The following STARD8 variants were observed in gnomAD, a reference collection of about 807,000 sequenced individuals.
STARD8 encodes stAR-related lipid transfer protein 8.
STARD8 carries 25 observed loss-of-function variants against 69.4 expected under a neutral mutation model. The observed-to-expected ratio is 0.36, with a 90% CI of 0.26 to 0.50. The LOEUF is 0.50. Among genes scored for constraint, STARD8 ranks in the 20% least tolerant of loss-of-function variants. The probability of loss-of-function intolerance (pLI) is 0.96; values close to 1 mark genes in which losing one functional copy is unlikely to be tolerated. For synonymous variants in STARD8, 389 were observed against 374.6 expected (o/e 1.04, Z -0.45); for missense variants, 921 against 932.5 (o/e 0.99, Z 0.16).
intron 2 of STARD8, among the ~76,000 whole-genome samples, chrX:68,695,228 T>C (rs1170981578): frequency 3.6e-5 from 4 of 110,500 alleles, no homozygotes; most frequent in African/African-American, 1.3e-4. Flanking sequence ...CTGCAGGTGA[T>C]TTCTGGGTGG....
chrX:68,671,432 T>G (rs2079727916), intron 2 of STARD8, among the ~76,000 whole-genome samples: 1 of 112,801 alleles, frequency 8.9e-6, no homozygotes, highest in Non-Finnish European at 1.9e-5. Context: ...CATGAGCTCT[T>G]GGTGTACAAT....
intron 5 of STARD8, 44 bp from the exon 6 acceptor site, chrX:68,717,168 G>A: frequency 2.7e-6 from 3 of 1,127,745 alleles, no homozygotes; most frequent in East Asian, 3.2e-5. Context: ...GCAAGGACTT[G>A]TGGCCTGGGC....
At chrX:68,652,228 G>A (rs368245349) in intron 1 of STARD8, among the ~76,000 whole-genome samples, 11 of 111,010 alleles carry the variant, frequency 9.9e-5, no homozygotes, top group African/African-American at 3.6e-4. Context: ...AGCAGCTTCC[G>A]AAACTGTGTA....
In STARD8 at chrX:68,721,590, C is replaced by G. The variant is rs2080149629; in HGVS notation, c.2303C>G (p.Pro768Arg). 1 of 1,210,446 alleles carries G rather than the reference C, an allele frequency of 8.3e-7. No homozygotes were observed. The change falls in exon 10 of 15, where the codon CCC (proline) becomes CGC (arginine). Residue 768 changes from proline to arginine, a missense_variant. Coordinates refer to ENST00000374599, the MANE Select transcript of STARD8 (RefSeq NM_001142503.3). ...AAAQAATLLL[P>R]DENREVLQTL... Reference sequence around the variant, plus strand: ...GCACAAGCCGCCACCTTGCTGCTCCCCGATGAGAACCGAGAGGTGCTACAG... The same window carrying G: ...GCACAAGCCGCCACCTTGCTGCTCCGCGATGAGAACCGAGAGGTGCTACAG...
intron 2 of STARD8, among the ~76,000 whole-genome samples, chrX:68,697,586 C>G (rs2079930735): frequency 8.9e-6 from 1 of 112,690 alleles, no homozygotes; most frequent in African/African-American, 3.2e-5. Flanking sequence ...TGCGCCTGGC[C>G]CCTGAGGCCA....
At chrX:68,723,566 C>T in intron 12 of STARD8, 60 bp from the exon 13 acceptor site, 1 of 1,020,217 alleles carries the variant, frequency 9.8e-7, no homozygotes. Context: ...GGACTTAGGG[C>T]TGGAGTCAGA....
At chrX:68,670,052 A>C (rs774562029) in intron 2 of STARD8, among the ~76,000 whole-genome samples, 1 of 112,510 alleles carries the variant, frequency 8.9e-6, no homozygotes, top group East Asian at 2.8e-4. Flanking sequence ...TTTACCCAGC[A>C]ACTTGGAATA....
At chrX:68,686,531 C>G (rs2079834006) in intron 2 of STARD8, among the ~76,000 whole-genome samples, 1 of 112,524 alleles carries the variant, frequency 8.9e-6, no homozygotes, top group Non-Finnish European at 1.9e-5. Context: ...CCCGGTGGTA[C>G]GCGCCGCGCT....
chrX:68,709,502 C>G (rs937651394), intron 2 of STARD8, among the ~76,000 whole-genome samples: 8 of 111,918 alleles, frequency 7.1e-5, no homozygotes. Flanking sequence ...TTAATGCTCT[C>G]AGTAGCTATA....
At chrX:68,707,636 G>A (rs1442235103) in intron 2 of STARD8, among the ~76,000 whole-genome samples, 1 of 111,867 alleles carries the variant, frequency 8.9e-6, no homozygotes, top group African/African-American at 3.3e-5. Context: ...GATTTGAGAG[G>A]TGAGGGAGGA....
chrX:68,694,411 C>T (rs2079903208), intron 2 of STARD8, among the ~76,000 whole-genome samples: 1 of 112,349 alleles, frequency 8.9e-6, no homozygotes, highest in African/African-American at 3.2e-5. Context: ...CTCATTTTCC[C>T]ATAAAGTCCA....
rs772291149 is a variant in STARD8 at position 68,712,971 on chromosome X, T to C, written c.137T>C (p.Val46Ala). Residue 46 changes from valine to alanine, a missense_variant, in exon 3 of 15, where the codon GTG becomes GCG. Val to Ala is a moderately conservative substitution (Grantham distance 64). Transcript: ENST00000374599. The part of the protein sequence containing the change: ...WLQATGFPQY[V>A]QLFEEGSFPL... The stretch of plus-strand genomic sequence containing the variant: ...CAAGCAACAGGATTCCCTCAGTATG[T>C]GCAGCTTTTTGAAGGTAAGGCCACT... 5.8e-6 allele frequency: 7 copies of C among 1,205,591 alleles called. No individual in the cohort carries two copies. Among genetic ancestry groups the C allele is most frequent in the Middle Eastern group, 2.3e-4 (1 of 4,345 alleles).
chrX:68,657,549 C>A (rs774682681), intron 1 of STARD8, among the ~76,000 whole-genome samples: 1 of 112,118 alleles, frequency 8.9e-6, no homozygotes, highest in East Asian at 2.8e-4. Flanking sequence ...CAGAAAATTT[C>A]AGTATATGAA....
intron 6 of STARD8, 72 bp downstream of exon 6, chrX:68,718,701 C>T (rs1164412653): frequency 9.0e-7 from 1 of 1,109,230 alleles, no homozygotes; most frequent in Non-Finnish European, 1.2e-6. Flanking sequence ...GCTGATTTCT[C>T]AGTCATGAGG....
chrX:68,669,895 G>GAAT (rs1007969142), intron 2 of STARD8, among the ~76,000 whole-genome samples: 13 of 112,653 alleles, frequency 1.2e-4, no homozygotes, highest in Non-Finnish European at 1.7e-4. Flanking sequence ...AAAGTCATCA[G>GAAT]AATAATAATA....
chrX:68,697,102 A>G (rs2079925783), intron 2 of STARD8, among the ~76,000 whole-genome samples: 1 of 112,207 alleles, frequency 8.9e-6, no homozygotes, highest in Admixed American at 9.4e-5. Context: ...TTATCAGTTC[A>G]TCTATACATA....
At chrX:68,701,168 T>TC (rs759569892) in intron 2 of STARD8, among the ~76,000 whole-genome samples, 4 of 112,396 alleles carry the variant, frequency 3.6e-5, no homozygotes, top group South Asian at 7.4e-4. Flanking sequence ...TTCGCGACAC[T>TC]CAACAGGCTA....
intron 2 of STARD8, among the ~76,000 whole-genome samples, chrX:68,703,893 G>A (rs2050979): frequency 2.5e-4 from 28 of 110,560 alleles, no homozygotes; most frequent in Non-Finnish European, 5.3e-4. Flanking sequence ...TTTTCTGTTC[G>A]CACATCTCTG....
intron 2 of STARD8, among the ~76,000 whole-genome samples, chrX:68,677,981 A>C (rs748955477): frequency 1.8e-5 from 2 of 110,772 alleles, no homozygotes; most frequent in African/African-American, 6.6e-5. Context: ...CATTTAGTCC[A>C]ACCTGCATCA....
Sources: gnomAD v4.1 joint callset for allele counts (sites outside exome capture counted in the v4.1 genomes callset) on GRCh38, gnomAD v4.1.1 for gene constraint, MANE v1.5 for transcripts, NCBI Gene and HGNC (gene_info 2026-07-23, HGNC 2026-07-21) for gene names.